The following EYS variants were observed in gnomAD, a reference collection of about 807,000 sequenced individuals.
EYS encodes the protein EGF-like photoreceptor maintenance factor.
Under a neutral mutation model 282.1 loss-of-function variants are expected in EYS, and 250 were observed. That is an observed-to-expected ratio of 0.89 (90% CI 0.80 to 0.98). The LOEUF (loss-of-function observed/expected upper bound fraction) is 0.98, where lower values mean the gene tolerates loss of function less well. Among genes scored for constraint, EYS ranks in the 50% least tolerant of loss-of-function variants. The pLI, the probability that EYS is intolerant of heterozygous loss-of-function variation, is 0.00. For missense variants in EYS, 4,016 were observed against 3,709.0 expected, an observed-to-expected ratio of 1.08 and a Z score of -2.15; for synonymous variants, 1,355 against 1,282.9, an observed-to-expected ratio of 1.06 and a Z score of -1.20.
chr6:64,839,209 A>G (rs1465168158), intron 19 of EYS, among the ~76,000 whole-genome samples: 1 of 152,046 alleles, frequency 6.6e-6, no homozygotes, highest in African/African-American at 2.4e-5. Context: ...TATAAATACA[A>G]TGAAAATCGA....
chr6:65,427,202 G>A (rs1380350585), intron 5 of EYS, among the ~76,000 whole-genome samples: 2 of 151,862 alleles, frequency 1.3e-5, no homozygotes, highest in African/African-American at 2.4e-5. Context: ...TTTTTCTTCA[G>A]GAGCATCATA....
chr6:64,443,642 A>G (rs926498806), intron 26 of EYS, among the ~76,000 whole-genome samples: 1 of 152,158 alleles, frequency 6.6e-6, no homozygotes, highest in African/African-American at 2.4e-5. Context: ...TCTTGTGATT[A>G]TGAATGGTTC....
intron 30 of EYS, among the ~76,000 whole-genome samples, chr6:64,245,346 G>C (rs913889091): frequency 3.0e-5 from 4 of 134,164 alleles, no homozygotes; most frequent in Non-Finnish European, 6.5e-5. Context: ...TTGTTTTTTG[G>C]CAGCATCTTA....
chr6:63,867,448 A>G (rs1197028767), intron 35 of EYS, among the ~76,000 whole-genome samples: 1 of 152,124 alleles, frequency 6.6e-6, no homozygotes, highest in Non-Finnish European at 1.5e-5. Flanking sequence ...GAAATAATCC[A>G]GATTATGGTG....
chr6:65,469,415 C>A (rs1186800545), intron 5 of EYS, among the ~76,000 whole-genome samples: 1 of 151,904 alleles, frequency 6.6e-6, no homozygotes, highest in Non-Finnish European at 1.5e-5. Flanking sequence ...GGTAAATATA[C>A]ATAGATATGT....
chr6:65,696,732 GATAA>G (rs1769469988), intron 1 of EYS, among the ~76,000 whole-genome samples: 1 of 151,842 alleles, frequency 6.6e-6, no homozygotes, highest in Non-Finnish European at 1.5e-5. Context: ...TTTTAATAAT[GATAA>G]ATAATTCAAA....
At chr6:65,352,265 T>C (rs1447743382) in intron 9 of EYS, among the ~76,000 whole-genome samples, 2 of 151,938 alleles carry the variant, frequency 1.3e-5, no homozygotes, top group Non-Finnish European at 2.9e-5. Flanking sequence ...ATGTTAGAAA[T>C]TCAGCTGCTG....
chr6:64,044,718 T>C (rs1334431030), intron 33 of EYS, among the ~76,000 whole-genome samples: 2 of 152,190 alleles, frequency 1.3e-5, no homozygotes, highest in African/African-American at 4.8e-5. Context: ...TTATAGAATA[T>C]TTTGAGTGAT....
intron 2 of EYS, among the ~76,000 whole-genome samples, chr6:65,536,866 C>T (rs564233011): frequency 2.0e-5 from 3 of 152,132 alleles, no homozygotes; most frequent in Admixed American, 6.6e-5. Context: ...ATCCAAGGCA[C>T]CCAAAATAAA....
chr6:64,951,309 A>G (rs1312510147), intron 14 of EYS, among the ~76,000 whole-genome samples: 1 of 151,992 alleles, frequency 6.6e-6, no homozygotes, highest in East Asian at 1.9e-4. Flanking sequence ...AAGAAAAACC[A>G]GCAAAAAAAC....
intron 12 of EYS, among the ~76,000 whole-genome samples, chr6:65,223,649 A>T (rs910102413): frequency 6.6e-6 from 1 of 152,170 alleles, no homozygotes; most frequent in Non-Finnish European, 1.5e-5. Context: ...AAGTATTCTC[A>T]GTCTAAGAAC....
intron 14 of EYS, among the ~76,000 whole-genome samples, chr6:64,972,006 A>C (rs890851180): frequency 6.6e-6 from 1 of 152,112 alleles, no homozygotes; most frequent in Non-Finnish European, 1.5e-5. Flanking sequence ...ATGGCAAAAA[A>C]AAAGAATAAA....
At chr6:63,762,944 C>T (rs936926533) in intron 40 of EYS, among the ~76,000 whole-genome samples, 2 of 152,030 alleles carry the variant, frequency 1.3e-5, no homozygotes, top group African/African-American at 4.8e-5. Flanking sequence ...AAAGAAAAAG[C>T]TGTGCATGGT....
At position 65,002,099 on chromosome 6, in the gene EYS, T is replaced by G. The variant is rs540593892; in HGVS notation, c.2138-4396A>C. On this transcript the variant is annotated intron_variant, in intron 13 of 42. Transcript: ENST00000503581. ...TCAATGTGAACAATTTAAATTTAAA[T>G]TGTCTATTATAATCATTATAGTAGG... Among the ~76,000 whole-genome samples, 10 of 146,844 alleles carry G rather than the reference T, an allele frequency of 6.8e-5. 1 individual carries two copies. The highest frequency in any genetic ancestry group is 2.4e-4 in the African/African-American group (10 of 41,188).
intron 1 of EYS, among the ~76,000 whole-genome samples, chr6:65,697,945 T>A (rs1176567579): frequency 6.6e-6 from 1 of 152,078 alleles, no homozygotes; most frequent in African/African-American, 2.4e-5. Context: ...TAGTGGAAAA[T>A]ATACAAAGTA....
chr6:63,891,751 AACG>A (rs1352056159), intron 35 of EYS, among the ~76,000 whole-genome samples: 1 of 152,196 alleles, frequency 6.6e-6, no homozygotes, highest in African/African-American at 2.4e-5. Flanking sequence ...CAGGCAAGAG[AACG>A]AAATAAAGGG....
chr6:65,314,602 G>C (rs923766194), intron 11 of EYS, among the ~76,000 whole-genome samples: 19 of 124,054 alleles, frequency 1.5e-4, no homozygotes, highest in African/African-American at 5.0e-4. Context: ...GTGTGTGTGT[G>C]TGTGTGTTTT....
Position 64,066,407 on chromosome 6 carries a change from G to A in EYS, c.6656C>T (p.Ser2219Phe), listed in dbSNP as rs573446748. ...RPSVKYGCGN[S>F]QNILTVSANY... ...AGCAGAAACAGTCAAAATATTTTGA[G>A]AATTTCCACACCCATATTTAACTGA... The change falls in exon 33 of 43, where the codon TCT (serine) becomes TTT (phenylalanine). Residue 2219 changes from serine (S) to phenylalanine (F), a missense_variant. By Grantham distance (155) the Ser-to-Phe change is radical. Transcript: ENST00000503581. The A allele has an allele frequency of 2.6e-6, 4 of 1,550,540 alleles. No individual in the cohort carries two copies. The highest frequency in any genetic ancestry group is 4.9e-5 in the East Asian group (2 of 40,896).
At chr6:64,191,709 T>A (rs1243458295) in intron 31 of EYS, among the ~76,000 whole-genome samples, 1 of 152,076 alleles carries the variant, frequency 6.6e-6, no homozygotes, top group East Asian at 1.9e-4. Context: ...GTGCCACATT[T>A]TCTTAATCCA....
Sources: allele counts gnomAD v4.1 joint callset (sites outside exome capture counted in the v4.1 genomes callset), GRCh38; gene constraint gnomAD v4.1.1; transcripts MANE v1.5; gene names NCBI Gene and HGNC (gene_info 2026-07-23, HGNC 2026-07-21).